TRIM5: variants seen among roughly 807,000 people sequenced by gnomAD.
The protein encoded by TRIM5 is tripartite motif containing 5.
TRIM5 carries 31 observed loss-of-function variants against 35.6 expected under a neutral mutation model. The ratio of observed to expected loss-of-function variants is 0.87; its 90% CI spans 0.65 to 1.18. The LOEUF is 1.18. Ranked by LOEUF, TRIM5 falls within the 50% of genes most tolerant of loss-of-function variation. The pLI, the probability that TRIM5 is intolerant of heterozygous loss-of-function variation, is 0.00. For missense variants in TRIM5, 609 were observed against 591.6 expected (o/e 1.03, Z -0.31); for synonymous variants, 243 against 215.6 (o/e 1.13, Z -1.11).
At chr11:5,648,052 C>T in the TRIM5 span, among the ~76,000 whole-genome samples, 1 of 152,122 alleles carries the variant, frequency 6.6e-6, no homozygotes, top group Non-Finnish European at 1.5e-5. Flanking sequence ...ATCTAAATTT[C>T]CTGTCCTGGG....
At chr11:5,652,477 G>T in the TRIM5 span, among the ~76,000 whole-genome samples, 1 of 152,038 alleles carries the variant, frequency 6.6e-6, no homozygotes, top group African/African-American at 2.4e-5. Flanking sequence ...ATGGTTGCAG[G>T]CTTGTAGCAT....
the TRIM5 span, among the ~76,000 whole-genome samples, chr11:5,648,508 A>AAAAT: frequency 6.6e-6 from 1 of 152,078 alleles, no homozygotes; most frequent in Admixed American, 6.6e-5. Context: ...TCCATCTCAA[A>AAAAT]AAATAAATAA....
chr11:5,644,404 AGCT>A, the TRIM5 span: 1 of 395,856 alleles, frequency 2.5e-6, no homozygotes, highest in African/African-American at 2.1e-5. Flanking sequence ...AAAAAGTGTG[AGCT>A]GTAGTAATGT....
At chr11:5,653,477 A>T in the TRIM5 span, among the ~76,000 whole-genome samples, 1,026 of 148,520 alleles carry the variant, frequency 6.9e-3, 9 homozygotes, top group Non-Finnish European at 9.3e-3. Context: ...GTTTTTTCCG[A>T]TTTTTTTTTG....
chr11:5,659,706 A>C, downstream of TRIM5, among the ~76,000 whole-genome samples: 1 of 151,360 alleles, frequency 6.6e-6, no homozygotes, highest in East Asian at 1.9e-4. Context: ...CCCAGGTTTT[A>C]TTGTTTTGTA....
At chr11:5,642,549 G>A in the TRIM5 span, 1 of 1,604,628 alleles carries the variant, frequency 6.2e-7, no homozygotes, top group Non-Finnish European at 8.5e-7. Flanking sequence ...GGATTGTTGT[G>A]GTGTCAGGTA....
intron 1 of TRIM5, among the ~76,000 whole-genome samples, chr11:5,683,376 T>C (rs1852690546): frequency 6.6e-6 from 1 of 152,196 alleles, no homozygotes; most frequent in Non-Finnish European, 1.5e-5. Context: ...TTCCTGAGTC[T>C]GGTGGGGACT....
chr11:5,607,267 A>G, the TRIM5 span, among the ~76,000 whole-genome samples: 1 of 152,204 alleles, frequency 6.6e-6, no homozygotes, highest in Non-Finnish European at 1.5e-5. Flanking sequence ...AGCCAACATA[A>G]GAGAAGTAGC....
chr11:5,679,004 G>A (rs1852210503), intron 3 of TRIM5, 70 bp downstream of exon 3: 1 of 1,263,756 alleles, frequency 7.9e-7, no homozygotes, highest in Non-Finnish European at 1.2e-6. Flanking sequence ...GGAATAAAGA[G>A]GAAGAAAGCT....
In TRIM5 at chr11:5,665,375, T is replaced by C. The variant is rs1851052443; in HGVS notation, c.916A>G (p.Asn306Asp). Residue 306 changes from asparagine (N) to aspartate (D), a missense_variant, in exon 8 of 8, where the codon AAC (asparagine) becomes GAC (aspartate). Physicochemically the swap from Asn to Asp is conservative, Grantham distance 23. Coordinates refer to ENST00000380034, the MANE Select transcript of TRIM5 (RefSeq NM_033034.3). Reference sequence around the variant, plus strand: ...GAAATGACAGCACATGAAATGTTGTTTGGAGCCACTGTCACATCAACTGTA... The same window carrying C: ...GAAATGACAGCACATGAAATGTTGTCTGGAGCCACTGTCACATCAACTGTA... ...RYWVDVTVAP[N>D]NISCAVISED... 3.1e-6 allele frequency: 5 copies of C among 1,610,904 alleles called. No individual in the cohort carries two copies. The highest frequency in any genetic ancestry group is 4.2e-6 in the Non-Finnish European group (5 of 1,178,334).
chr11:5,647,895 C>A, the TRIM5 span, among the ~76,000 whole-genome samples: 1 of 152,068 alleles, frequency 6.6e-6, no homozygotes. Context: ...TCTGATACTG[C>A]AACACCTTAT....
intron 4 of TRIM5, among the ~76,000 whole-genome samples, chr11:5,676,114 G>C (rs1211812069): frequency 6.8e-6 from 1 of 147,640 alleles, no homozygotes; most frequent in Non-Finnish European, 1.5e-5. Flanking sequence ...TTGGACATTT[G>C]GGTTGGTTCC....
the TRIM5 span, among the ~76,000 whole-genome samples, chr11:5,631,712 T>C: frequency 6.6e-6 from 1 of 152,152 alleles, no homozygotes; most frequent in African/African-American, 2.4e-5. Context: ...GGAAGGAAGA[T>C]AATGAAACAA....
At chr11:5,606,992 A>G in the TRIM5 span, among the ~76,000 whole-genome samples, 1 of 151,980 alleles carries the variant, frequency 6.6e-6, no homozygotes, top group Admixed American at 6.6e-5. Context: ...TCATGAGGTC[A>G]GGAGATTGAG....
the TRIM5 span, chr11:5,634,528 C>CATATATATATATATAT: frequency 3.8e-6 from 2 of 530,320 alleles, no homozygotes; most frequent in African/African-American, 4.9e-5. Flanking sequence ...CACACACACA[C>CATATATATATATATAT]ACATATATAT....
chr11:5,632,263 G>GATTGAGGA, the TRIM5 span: 27 of 1,605,020 alleles, frequency 1.7e-5, no homozygotes, highest in East Asian at 4.0e-4. Context: ...AGCCATCCAG[G>GATTGAGGA]GGTCTTTAAC....
the TRIM5 span, among the ~76,000 whole-genome samples, chr11:5,602,812 G>A: frequency 1.3e-5 from 2 of 151,700 alleles, no homozygotes; most frequent in Non-Finnish European, 2.9e-5. Flanking sequence ...AAACTAGCCA[G>A]GTGTTGTGGC....
chr11:5,671,897 ATAAC>A (rs1483769393), intron 4 of TRIM5, among the ~76,000 whole-genome samples: 1 of 152,178 alleles, frequency 6.6e-6, no homozygotes, highest in Non-Finnish European at 1.5e-5. Flanking sequence ...CCCAAGTTAA[ATAAC>A]TAATATGAGA....
chr11:5,620,658 T>C, the TRIM5 span, among the ~76,000 whole-genome samples: 1 of 152,220 alleles, frequency 6.6e-6, no homozygotes, highest in Non-Finnish European at 1.5e-5. Flanking sequence ...TCTCCATTTT[T>C]CAGGTTATGG....
Sources: allele counts gnomAD v4.1 joint callset (sites outside exome capture counted in the v4.1 genomes callset), GRCh38; gene constraint gnomAD v4.1.1; transcripts MANE v1.5; gene names NCBI Gene and HGNC (gene_info 2026-07-23, HGNC 2026-07-21).